The following YBX2 variants were observed in gnomAD, a reference collection of about 807,000 sequenced individuals.
YBX2 encodes the protein Y-box binding protein 2.
In YBX2, 5 loss-of-function variants were observed where a neutral mutation model predicts 44.4. That is an observed-to-expected ratio of 0.11 (90% CI 0.06 to 0.24). YBX2 has a LOEUF of 0.24. YBX2 is among the 10% of genes least tolerant of loss of function. YBX2 has a pLI of 1.00. For missense variants in YBX2, 417 were observed against 526.9 expected (o/e 0.79, Z 2.04); for synonymous variants, 188 against 216.1 (o/e 0.87, Z 1.14).
At chr17:7,293,876 C>A (rs988113146) in intron 1 of YBX2, 7 of 523,246 alleles carry the variant, frequency 1.3e-5, no homozygotes, top group African/African-American at 1.1e-4. Context: ...GTTTTTCTAG[C>A]CCTCCCAATG....
chr17:7,294,164 C>T lies in YBX2; in HGVS notation c.271+66G>A, dbSNP rs926357692. On this transcript the variant is annotated intron_variant, in intron 1 of 8. Transcript: ENST00000007699. The surrounding 1 kb of genome is among the most constrained non-coding windows in gnomAD (Gnocchi z 4.6). ...CTTTGGTTTTCCGGATCCTGCCGGGCTCCACACTGCCCCTCCCCCAGCCCG... is the reference window on the plus strand; with the variant it reads ...CTTTGGTTTTCCGGATCCTGCCGGGTTCCACACTGCCCCTCCCCCAGCCCG... The T allele has an allele frequency of 5.7e-5, 71 of 1,240,738 alleles. No homozygotes were observed. Among genetic ancestry groups the T allele is most frequent in the Admixed American group, 8.4e-5 (2 of 23,912 alleles). 76.9% of individuals were successfully genotyped at this position (1,240,738 alleles called of 1,614,324 possible). A position where few individuals can be genotyped will look rare whatever the true frequency, so the allele number is the denominator to read the frequency against.
Position 7,291,850 on chromosome 17 carries a change from G to A in YBX2, c.369+176C>T, listed in dbSNP as rs1321901713. The A allele has an allele frequency of 5.3e-6, 4 of 757,426 alleles. No individual in the cohort carries two copies. The highest frequency in any genetic ancestry group is 6.7e-6 in the Non-Finnish European group (3 of 446,084). 46.9% of individuals were successfully genotyped at this position (757,426 alleles called of 1,614,324 possible). A position where few individuals can be genotyped will look rare whatever the true frequency, so the allele number is the denominator to read the frequency against. On this transcript the variant is annotated intron_variant, in intron 3 of 8. Coordinates refer to ENST00000007699, the MANE Select transcript of YBX2 (RefSeq NM_015982.4). This position sits in a 1 kb window ranked among gnomAD's most constrained non-coding sequence, Gnocchi z 5.8. ...AGGGGTAACATGCTCAATTCTGACG[G>A]ACGTTTAGTAACCCAGCACAAGTGC...
Position 7,291,196 on chromosome 17 carries a change from A to G in YBX2, c.370-14T>C. The stretch of plus-strand genomic sequence containing the variant: ...TTTAATAGCTGTCTGATTGGGGAAA[A>G]GGCCATGTGAAAAGTGAGACAGCAA... On this transcript the variant is annotated splice_polypyrimidine_tract_variant and intron_variant, in intron 3 of 8. Coordinates refer to ENST00000007699, the MANE Select transcript of YBX2 (RefSeq NM_015982.4). This position sits in a 1 kb window ranked among gnomAD's most constrained non-coding sequence, Gnocchi z 5.8. 1 of 1,613,690 alleles carries G rather than the reference A, an allele frequency of 6.2e-7. No homozygotes were observed. The highest frequency in any genetic ancestry group is 8.5e-7 in the Non-Finnish European group (1 of 1,179,698).
chr17:7,293,677 G>A lies in YBX2; in HGVS notation c.272-139C>T, dbSNP rs896138482. On this transcript the variant is annotated intron_variant, in intron 1 of 8. Coordinates refer to ENST00000007699, the MANE Select transcript of YBX2 (RefSeq NM_015982.4). The stretch of plus-strand genomic sequence containing the variant: ...TTCAGGTTACCTTCAAGCCAACCAG[G>A]TTTCACTAGTAGCTTCAAGGTATTC... 5.3e-6 allele frequency: 8 copies of A among 1,506,830 alleles called. No homozygotes were observed. The African/African-American group carries it at 8.3e-5, about 16-fold the overall frequency. The allele number at this position is 1,506,830 out of a possible 1,614,324, so 93.3% of individuals were successfully genotyped here.
At chr17:7,293,668 G>T in intron 1 of YBX2, 130 bp from the exon 2 acceptor site, 1 of 1,534,326 alleles carries the variant, frequency 6.5e-7, no homozygotes, top group South Asian at 1.2e-5. Flanking sequence ...TTACCTTCAA[G>T]CCAACCAGGT....
rs752681517 is a variant in YBX2 at position 7,288,804 on chromosome 17, G to A, written c.1079C>T (p.Thr360Ile). ...GAGTTGGAATCACTCCAGGATGGTG[G>A]TGGTGGGGTCCCCACTGTTGACAGG... ...SAPVNSGDPT[T>I]TILE The change falls in exon 8 of 9, where the codon ACC becomes ATC. Residue 360 changes from threonine to isoleucine, a missense_variant. Physicochemically the swap from Thr to Ile is moderately conservative, Grantham distance 89. This residue lies in a region of YBX2 where 257 missense variants were observed against 261.7 expected (regional missense o/e 0.98). Coordinates refer to ENST00000007699, the MANE Select transcript of YBX2 (RefSeq NM_015982.4). The A allele has an allele frequency of 1.2e-6, 2 of 1,613,872 alleles. No individual in the cohort carries two copies. Among genetic ancestry groups the A allele is most frequent in the South Asian group, 2.2e-5 (2 of 91,070 alleles).
chr17:7,293,757 GC>G, intron 1 of YBX2: 1 of 888,762 alleles, frequency 1.1e-6, no homozygotes, highest in Non-Finnish European at 1.7e-6. Flanking sequence ...CTTTCAAAAA[GC>G]CTTCCAACTC....
chr17:7,288,735 C>T lies in YBX2; in HGVS notation c.*39+14G>A. The stretch of plus-strand genomic sequence containing the variant: ...ACCTTCCTGGCCACCCACCCAACTG[C>T]ACCAGCCACTCACCAGATGGCAGCT... On this transcript the variant is annotated intron_variant, in intron 8 of 8. Coordinates refer to ENST00000007699, the MANE Select transcript of YBX2 (RefSeq NM_015982.4). The T allele has an allele frequency of 2.5e-6, 4 of 1,610,492 alleles. No individual in the cohort carries two copies. Among genetic ancestry groups the T allele is most frequent in the Admixed American group, 1.7e-5 (1 of 59,970 alleles).
At position 7,291,249 on chromosome 17, in the gene YBX2, G is replaced by A; in HGVS notation, c.370-67C>T. On this transcript the variant is annotated intron_variant, in intron 3 of 8. Coordinates refer to ENST00000007699, the MANE Select transcript of YBX2 (RefSeq NM_015982.4). This position sits in a 1 kb window ranked among gnomAD's most constrained non-coding sequence, Gnocchi z 5.8. Reference sequence around the variant, plus strand: ...CAGGAGTCTCTGTCACCCCTGCTGGGGCCACCACCCAATTTCATTCTTTCA... The same window carrying A: ...CAGGAGTCTCTGTCACCCCTGCTGGAGCCACCACCCAATTTCATTCTTTCA... 6.8e-7 allele frequency: 1 copy of A among 1,461,356 alleles called. No homozygotes were observed. Among genetic ancestry groups the A allele is most frequent in the Non-Finnish European group, 9.6e-7 (1 of 1,043,768 alleles). The allele number at this position is 1,461,356 out of a possible 1,614,324, so 90.5% of individuals were successfully genotyped here.
chr17:7,294,178 TC>T lies in YBX2; in HGVS notation c.271+51del. Reference sequence around the variant, plus strand: ...ATCCTGCCGGGCTCCACACTGCCCCTCCCCCAGCCCGCCGACCCCTCAGAGC... The same window carrying T: ...ATCCTGCCGGGCTCCACACTGCCCCTCCCCAGCCCGCCGACCCCTCAGAGC... On this transcript the variant is annotated intron_variant, in intron 1 of 8. Transcript: ENST00000007699. The surrounding 1 kb of genome is among the most constrained non-coding windows in gnomAD (Gnocchi z 4.6). 1 of 1,219,980 alleles carries T rather than the reference TC, an allele frequency of 8.2e-7. No individual in the cohort carries two copies. Among genetic ancestry groups the T allele is most frequent in the East Asian group, 3.4e-5 (1 of 29,448 alleles). 75.6% of individuals were successfully genotyped at this position (1,219,980 alleles called of 1,614,324 possible). A position where few individuals can be genotyped will look rare whatever the true frequency, so the allele number is the denominator to read the frequency against.
chr17:7,291,233 C>G lies in YBX2; in HGVS notation c.370-51G>C. The stretch of plus-strand genomic sequence containing the variant: ...AAGTGAGACAGCAAGACAGGAGTCT[C>G]TGTCACCCCTGCTGGGGCCACCACC... On this transcript the variant is annotated intron_variant, in intron 3 of 8. Coordinates refer to ENST00000007699, the MANE Select transcript of YBX2 (RefSeq NM_015982.4). This position sits in a 1 kb window ranked among gnomAD's most constrained non-coding sequence, Gnocchi z 5.8. The G allele has an allele frequency of 3.8e-6, 6 of 1,570,788 alleles. No individual in the cohort carries two copies. The highest frequency in any genetic ancestry group is 5.3e-6 in the Non-Finnish European group (6 of 1,141,282).
Position 7,290,509 on chromosome 17 carries a change from C to A in YBX2, c.486G>T (p.Gly162=), listed in dbSNP as rs1370390386. The change falls in exon 5 of 9, where the codon GGG becomes GGT. Residue 162 remains glycine, a synonymous_variant. Coordinates refer to ENST00000007699, the MANE Select transcript of YBX2 (RefSeq NM_015982.4). The part of the protein sequence containing the change: ...EKGAEATNVT[G]PGGVPVKGSR... ...TGCCCTTCACGGGTACTCCCCCAGG[C>A]CCAGTTACATTAGTGGCTTCTGCGC... The A allele has an allele frequency of 1.2e-6, 2 of 1,612,328 alleles. No individual in the cohort carries two copies. Among genetic ancestry groups the A allele is most frequent in the Non-Finnish European group, 8.5e-7 (1 of 1,178,882 alleles).
rs988113146 is a variant in YBX2, at chr17:7,293,876, C to T, written c.272-338G>A. On this transcript the variant is annotated intron_variant, in intron 1 of 8. Coordinates refer to ENST00000007699, the MANE Select transcript of YBX2 (RefSeq NM_015982.4). ...AGGTCATAACTGAGGGTTTTTCTAGCCCTCCCAATGCAAGGGTCCCCAGTG... is the reference window on the plus strand; with the variant it reads ...AGGTCATAACTGAGGGTTTTTCTAGTCCTCCCAATGCAAGGGTCCCCAGTG... 2.3e-5 allele frequency: 12 copies of T among 523,244 alleles called. No individual in the cohort carries two copies. In the East Asian group the frequency reaches 4.1e-4, roughly 18 times the overall value. The allele number at this position is 523,244 out of a possible 1,614,324, so 32.4% of individuals were successfully genotyped here.
At chr17:7,289,908 C>G in intron 6 of YBX2, 60 bp downstream of exon 6, 1 of 1,606,330 alleles carries the variant, frequency 6.2e-7, no homozygotes, top group East Asian at 2.2e-5. Context: ...TCCTCCTGTC[C>G]CTTGCCCCAA....
Position 7,294,609 on chromosome 17 carries a change from C to A in YBX2, c.-109G>T, listed in dbSNP as rs959725619. On this transcript the variant is annotated 5_prime_UTR_variant, in exon 1 of 9. Coordinates refer to ENST00000007699, the MANE Select transcript of YBX2 (RefSeq NM_015982.4). This position sits in a 1 kb window ranked among gnomAD's most constrained non-coding sequence, Gnocchi z 4.6. The stretch of plus-strand genomic sequence containing the variant: ...CGCGCCCCGAGCCTCGCCCACACGC[C>A]GGCAGCGGGCCCGGAGCCGAGGCCA... 70 of 1,183,840 alleles carry A rather than the reference C, an allele frequency of 5.9e-5. No homozygotes were observed. Among genetic ancestry groups the A allele is most frequent in the Non-Finnish European group, 6.3e-5 (60 of 951,672 alleles). 73.3% of individuals were successfully genotyped at this position (1,183,840 alleles called of 1,614,324 possible).
chr17:7,293,606 G>T (rs2072517337), intron 1 of YBX2, 68 bp from the exon 2 acceptor site: 1 of 1,611,176 alleles, frequency 6.2e-7, no homozygotes. Context: ...TCAGTTTTGA[G>T]ACACTCCAAA....
rs1481226381 is a variant in YBX2, at chr17:7,291,824, CA to C, written c.369+201del. 2 of 651,934 alleles carry C rather than the reference CA, an allele frequency of 3.1e-6. No individual in the cohort carries two copies. Among genetic ancestry groups the C allele is most frequent in the South Asian group, 1.8e-5 (1 of 54,748 alleles). The allele number at this position is 651,934 out of a possible 1,614,324, so 40.4% of individuals were successfully genotyped here. On this transcript the variant is annotated intron_variant, in intron 3 of 8. Transcript: ENST00000007699. This position sits in a 1 kb window ranked among gnomAD's most constrained non-coding sequence, Gnocchi z 5.8. ...CGGTGGGTAGTAAGCGTGCCATGCCCAGGGGTAACATGCTCAATTCTGACGG... is the reference window on the plus strand; with the variant it reads ...CGGTGGGTAGTAAGCGTGCCATGCCCGGGGTAACATGCTCAATTCTGACGG...
Position 7,290,421 on chromosome 17 carries a change from G to A in YBX2, c.574C>T (p.Pro192Ser). ...RFIPRPPSVA[P>S]PPMVAEIPSA... ...GGGATCTCTGCCACCATGGGTGGTG[G>A]GGCAACTGAGGGAGGCCGGGGGATG... The change falls in exon 5 of 9, where the codon CCA becomes TCA. Residue 192 changes from proline (P) to serine (S), a missense_variant. Physicochemically the swap from Pro to Ser is moderately conservative, Grantham distance 74. This residue lies in a region of YBX2 where 257 missense variants were observed against 261.7 expected (regional missense o/e 0.98). Transcript: ENST00000007699. 1.9e-6 allele frequency: 3 copies of A among 1,614,106 alleles called. No individual in the cohort carries two copies. Among genetic ancestry groups the A allele is most frequent in the Non-Finnish European group, 2.5e-6 (3 of 1,180,030 alleles).
intron 6 of YBX2, 35 bp from the exon 7 acceptor site, chr17:7,289,760 G>T: frequency 6.2e-7 from 1 of 1,611,960 alleles, no homozygotes. Flanking sequence ...GGGGACCAGG[G>T]AATACTCCCT....
Sources: gnomAD v4.1 joint callset for allele counts on GRCh38, gnomAD v4.1.1 for gene constraint, gnomAD v4.1.1 regional missense constraint, Gnocchi (gnomAD v3.1) non-coding constraint, MANE v1.5 for transcripts, NCBI Gene and HGNC (gene_info 2026-07-23, HGNC 2026-07-21) for gene names.